TMED10: variants seen among roughly 807,000 people sequenced by gnomAD.
The protein encoded by TMED10 is transmembrane emp24 domain-containing protein 10.
TMED10 carries 7 observed loss-of-function variants against 23.1 expected under a neutral mutation model. The ratio of observed to expected loss-of-function variants is 0.30; its 90% CI spans 0.17 to 0.57. TMED10 has a LOEUF of 0.57. Among genes scored for constraint, TMED10 ranks in the 20% least tolerant of loss-of-function variants. TMED10 has a pLI of 0.91. For missense variants in TMED10, 162 were observed against 274.8 expected (o/e 0.59, Z 2.90); for synonymous variants, 113 against 106.9 (o/e 1.06, Z -0.35).
chr14:75,164,561 A>T (rs1566675209), intron 1 of TMED10, among the ~76,000 whole-genome samples: 2 of 14,360 alleles, frequency 1.4e-4, no homozygotes, highest in Non-Finnish European at 2.9e-4. Context: ...ATATATATAT[A>T]TATATATATA....
At chr14:75,140,152 A>C (rs184071723) in intron 3 of TMED10, among the ~76,000 whole-genome samples, 2 of 152,196 alleles carry the variant, frequency 1.3e-5, no homozygotes, top group East Asian at 3.9e-4. Context: ...ACTATGAGAA[A>C]TAAATTTCTG....
chr14:75,163,362 G>C (rs940582266), intron 1 of TMED10, among the ~76,000 whole-genome samples: 2 of 151,928 alleles, frequency 1.3e-5, no homozygotes, highest in African/African-American at 4.8e-5. Flanking sequence ...AGACCATCTT[G>C]CCTAACACGG....
At chr14:75,143,747 T>C (rs1287566779) in intron 3 of TMED10, among the ~76,000 whole-genome samples, 1 of 152,090 alleles carries the variant, frequency 6.6e-6, no homozygotes, top group Non-Finnish European at 1.5e-5. Flanking sequence ...CAGCCTGGCC[T>C]ACATGGTGAA....
At chr14:75,139,862 A>T (rs1367590710) in intron 3 of TMED10, among the ~76,000 whole-genome samples, 1 of 152,200 alleles carries the variant, frequency 6.6e-6, no homozygotes, top group East Asian at 1.9e-4. Context: ...AACACCTAGT[A>T]CACCATGGAT....
chr14:75,146,729 ACTT>A (rs765917464), intron 3 of TMED10, among the ~76,000 whole-genome samples: 10 of 152,142 alleles, frequency 6.6e-5, no homozygotes, highest in South Asian at 2.1e-4. Context: ...ATAATAAATA[ACTT>A]CTTATCAGCA....
At chr14:75,158,455 G>A (rs547719725) in intron 1 of TMED10, among the ~76,000 whole-genome samples, 10 of 152,226 alleles carry the variant, frequency 6.6e-5, no homozygotes, top group African/African-American at 9.6e-5. Context: ...AGTCTTCCGC[G>A]TAGCTGGGAC....
chr14:75,133,742 C>A lies in TMED10; in HGVS notation c.*1143G>T. 5.8e-6 allele frequency: 1 copy of A among 173,366 alleles called. No individual in the cohort carries two copies. Among genetic ancestry groups the A allele is most frequent in the Non-Finnish European group, 1.3e-5 (1 of 79,472 alleles). The allele number at this position is 173,366 out of a possible 1,614,324, so 10.7% of individuals were successfully genotyped here. A position where few individuals can be genotyped will look rare whatever the true frequency, so the allele number is the denominator to read the frequency against. On this transcript the variant is annotated 3_prime_UTR_variant, in exon 5 of 5. Coordinates refer to ENST00000303575, the MANE Select transcript of TMED10 (RefSeq NM_006827.6). Reference sequence around the variant, plus strand: ...CTTTATTAGGGCAAAAAACTGAAAACAACTCTTATGTCCTTTAGTGGGTGA... The same window carrying A: ...CTTTATTAGGGCAAAAAACTGAAAAAAACTCTTATGTCCTTTAGTGGGTGA...
intron 1 of TMED10, among the ~76,000 whole-genome samples, chr14:75,159,081 C>T (rs964736170): frequency 6.6e-6 from 1 of 152,280 alleles, no homozygotes; most frequent in Non-Finnish European, 1.5e-5. Flanking sequence ...CAAAGATACT[C>T]ACTTCCCCAA....
chr14:75,157,940 C>G (rs1200188634), intron 1 of TMED10, among the ~76,000 whole-genome samples: 1 of 138,174 alleles, frequency 7.2e-6, no homozygotes, highest in Non-Finnish European at 1.6e-5. Context: ...AACTCCATCT[C>G]AAAAAAAAAA....
intron 2 of TMED10, among the ~76,000 whole-genome samples, chr14:75,151,020 A>G (rs1192645332): frequency 1.3e-5 from 2 of 151,934 alleles, no homozygotes; most frequent in Non-Finnish European, 1.5e-5. Flanking sequence ...CTCCTGCCTC[A>G]GCCTCCCGAG....
At position 75,152,132 on chromosome 14, in the gene TMED10, A is replaced by G; in HGVS notation, c.237T>C (p.Ser79=). The G allele has an allele frequency of 6.2e-7, 1 of 1,613,662 alleles. No homozygotes were observed. The highest frequency in any genetic ancestry group is 8.5e-7 in the Non-Finnish European group (1 of 1,179,764). ...CTTTGGAGTAGAGAATATGGCCAGC[A>G]GAATCTGTGATCTAAAATAAGAAAA... ...GLRSHLKITD[S]AGHILYSKED... is the part of the protein sequence containing the mutation. Residue 79 remains serine, a synonymous_variant, in exon 2 of 5, where the codon TCT becomes TCC. Coordinates refer to ENST00000303575, the MANE Select transcript of TMED10 (RefSeq NM_006827.6).
intron 2 of TMED10, among the ~76,000 whole-genome samples, chr14:75,149,840 C>G (rs147978976): frequency 0.47 from 71,578 of 151,926 alleles, 17,324 homozygotes; most frequent in Middle Eastern, 0.56. Flanking sequence ...CACGGTGGCT[C>G]ATGCCTGTAA....
chr14:75,165,274 CTGGAGTGCAG>C, intron 1 of TMED10, among the ~76,000 whole-genome samples: 1 of 152,130 alleles, frequency 6.6e-6, no homozygotes, highest in Non-Finnish European at 1.5e-5. Flanking sequence ...GTTGCCCAGG[CTGGAGTGCAG>C]TGGCATGATC....
intron 1 of TMED10, among the ~76,000 whole-genome samples, chr14:75,160,611 A>T (rs1896074582): frequency 6.6e-6 from 1 of 152,214 alleles, no homozygotes; most frequent in Admixed American, 6.5e-5. Context: ...TACTTATAAT[A>T]GTGATAATAA....
At position 75,134,291 on chromosome 14, in the gene TMED10, C is replaced by CT. The variant is rs1397886525; in HGVS notation, c.*593dup. On this transcript the variant is annotated 3_prime_UTR_variant, in exon 5 of 5. Transcript: ENST00000303575. Reference sequence around the variant, plus strand: ...TTTTAATTGTCTAAAATGACATTTTCTTTAAGAGTTATCTACAGTTCAAAG... The same window carrying CT: ...TTTTAATTGTCTAAAATGACATTTTCTTTTAAGAGTTATCTACAGTTCAAAG... 1 of 154,010 alleles carries CT rather than the reference C, an allele frequency of 6.5e-6. No individual in the cohort carries two copies. The highest frequency in any genetic ancestry group is 1.9e-4 in the East Asian group (1 of 5,214). 9.5% of individuals were successfully genotyped at this position (154,010 alleles called of 1,614,324 possible). A position where few individuals can be genotyped will look rare whatever the true frequency, so the allele number is the denominator to read the frequency against.
At chr14:75,147,628 A>C (rs767152956) in intron 3 of TMED10, 36 bp downstream of exon 3, 1 of 1,609,552 alleles carries the variant, frequency 6.2e-7, no homozygotes. Context: ...AGCATAGCAC[A>C]CTGCTGCCTC....
intron 1 of TMED10, among the ~76,000 whole-genome samples, chr14:75,164,567 ATATATATATATTTTTTTT>A: frequency 5.1e-4 from 1 of 1,956 alleles, no homozygotes; most frequent in South Asian, 0.033. Context: ...ATATATATAT[ATATATATATATTTTTTTT>A]TTTTTTTTTG....
intron 3 of TMED10, chr14:75,136,773 A>G (rs929208112): frequency 6.6e-6 from 1 of 152,180 alleles, no homozygotes; most frequent in Non-Finnish European, 1.5e-5. Flanking sequence ...TTCTTTTAGA[A>G]TGACACAGCC....
At chr14:75,152,409 T>C (rs906128765) in intron 1 of TMED10, among the ~76,000 whole-genome samples, 1 of 152,208 alleles carries the variant, frequency 6.6e-6, no homozygotes, top group Non-Finnish European at 1.5e-5. Context: ...AAAAAGTTAA[T>C]CTAGCTAATG....
Sources: allele counts gnomAD v4.1 joint callset (sites outside exome capture counted in the v4.1 genomes callset), GRCh38; gene constraint gnomAD v4.1.1; transcripts MANE v1.5; gene names NCBI Gene and HGNC (gene_info 2026-07-23, HGNC 2026-07-21).